The following ERAP2 variants were observed in gnomAD, a reference collection of about 807,000 sequenced individuals.
ERAP2 encodes endoplasmic reticulum aminopeptidase 2, also known as leukocyte-derived arginine aminopeptidase.
A neutral mutation model predicts 111.1 loss-of-function variants in ERAP2; 118 were observed. The observed-to-expected ratio is 1.06, with a 90% CI of 0.92 to 1.24. The LOEUF (loss-of-function observed/expected upper bound fraction) is 1.24. Among genes scored for constraint, ERAP2 ranks in the 50% most tolerant of loss-of-function variants. The probability of loss-of-function intolerance (pLI) is 0.00; values close to 1 mark genes in which losing one functional copy is unlikely to be tolerated. For missense variants in ERAP2, 1,131 were observed against 1,125.8 expected (o/e 1.00, Z -0.07); for synonymous variants, 410 against 401.2 (o/e 1.02, Z -0.26).
chr5:96,878,583 C>G (rs1468203551), intron 1 of ERAP2, among the ~76,000 whole-genome samples: 1 of 152,054 alleles, frequency 6.6e-6, no homozygotes, highest in Non-Finnish European at 1.5e-5. Context: ...TGCTTGACCC[C>G]AGGAATTTGA....
chr5:96,889,423 G>A lies in ERAP2; in HGVS notation c.970+118G>A, dbSNP rs117449150. The A allele has an allele frequency of 2.2e-4, 254 of 1,172,856 alleles. No individual in the cohort carries two copies. In the East Asian group the frequency reaches 4.9e-3, roughly 23 times the overall value. 72.7% of individuals were successfully genotyped at this position (1,172,856 alleles called of 1,614,324 possible). On this transcript the variant is annotated intron_variant, in intron 5 of 18. Coordinates refer to ENST00000437043, the MANE Select transcript of ERAP2 (RefSeq NM_022350.5). Reference sequence around the variant, plus strand: ...GCACTGAGGAATTCAGTTAGCTCAGGAAAAAATAATTTGTTCCTCAGAGAT... The same window carrying A: ...GCACTGAGGAATTCAGTTAGCTCAGAAAAAAATAATTTGTTCCTCAGAGAT...
chr5:96,886,733 G>C lies in ERAP2; in HGVS notation c.793G>C (p.Ala265Pro). 6.5e-7 allele frequency: 1 copy of C among 1,541,268 alleles called. No homozygotes were observed. The change falls in exon 4 of 19, where the codon GCC (alanine) becomes CCC (proline). Residue 265 changes from alanine to proline, a missense_variant. Coordinates refer to ENST00000437043, the MANE Select transcript of ERAP2 (RefSeq NM_022350.5). ...TTVKMSTYLV[A>P]YIVCDFHSLS... is the part of the protein sequence containing the mutation. ...TGTAAAAATGAGTACATACCTTGTA[G>C]CCTACATAGTTTGTGATTTCCACTC... is the stretch of plus-strand genomic sequence containing the variant.
intron 9 of ERAP2, among the ~76,000 whole-genome samples, chr5:96,898,645 CAGG>C (rs1321081112): frequency 1.3e-5 from 2 of 150,964 alleles, no homozygotes; most frequent in East Asian, 3.9e-4. Context: ...GAGGTTGAGG[CAGG>C]AGAATCACTT....
rs185991617 is a variant in ERAP2 at position 96,916,211 on chromosome 5, A to G, written c.2739+442A>G. ...ACTCCAGCCTGGGTGACAGAGTGAG[A>G]CTCCATCTCAAAAAAACAAAAAACA... is the stretch of plus-strand genomic sequence containing the variant. On this transcript the variant is annotated intron_variant, in intron 18 of 18. Transcript: ENST00000437043. Among the ~76,000 whole-genome samples, 5 of 149,702 alleles carry G rather than the reference A, an allele frequency of 3.3e-5. No homozygotes were observed. In the South Asian group the frequency reaches 6.4e-4, roughly 19 times the overall value.
At chr5:96,916,631 T>A (rs1277376575) in intron 18 of ERAP2, among the ~76,000 whole-genome samples, 1 of 151,494 alleles carries the variant, frequency 6.6e-6, no homozygotes, top group East Asian at 1.9e-4. Flanking sequence ...GCCCACCTAA[T>A]TTTTTTGTAT....
chr5:96,905,922 A>G (rs973525545), intron 13 of ERAP2, among the ~76,000 whole-genome samples: 2 of 148,802 alleles, frequency 1.3e-5, no homozygotes, highest in African/African-American at 5.0e-5. Flanking sequence ...TAGTTTGGAG[A>G]GATAATTTTT....
chr5:96,884,073 TC>T, intron 3 of ERAP2, 143 bp downstream of exon 3: 1 of 572,038 alleles, frequency 1.7e-6, no homozygotes, highest in African/African-American at 2.1e-5. Flanking sequence ...TATCTATCTA[TC>T]TATCTATCAT....
intron 4 of ERAP2, among the ~76,000 whole-genome samples, chr5:96,888,462 T>C (rs112145370): frequency 1.7e-4 from 26 of 152,222 alleles, no homozygotes; most frequent in African/African-American, 5.5e-4. Context: ...ACCTGCTTCA[T>C]AGAGTGGGCA....
chr5:96,908,314 T>C (rs957964147), intron 13 of ERAP2, among the ~76,000 whole-genome samples: 1 of 152,208 alleles, frequency 6.6e-6, no homozygotes, highest in African/African-American at 2.4e-5. Flanking sequence ...TCGTTTCCTC[T>C]ACAGAAGATG....
At chr5:96,906,244 C>A (rs1366865124) in intron 13 of ERAP2, among the ~76,000 whole-genome samples, 1 of 151,686 alleles carries the variant, frequency 6.6e-6, no homozygotes, top group Non-Finnish European at 1.5e-5. Context: ...TCTTCCTCTT[C>A]CTCTTCTACT....
intron 13 of ERAP2, among the ~76,000 whole-genome samples, chr5:96,905,221 G>C (rs1333156479): frequency 6.6e-6 from 1 of 152,172 alleles, no homozygotes; most frequent in Non-Finnish European, 1.5e-5. Flanking sequence ...TTCAAATAAT[G>C]TGAAGTTGAG....
At chr5:96,877,058 T>G (rs1364700288) in intron 1 of ERAP2, among the ~76,000 whole-genome samples, 3 of 152,188 alleles carry the variant, frequency 2.0e-5, no homozygotes, top group African/African-American at 7.2e-5. Flanking sequence ...CACTGCAACT[T>G]CCACCTCCCT....
chr5:96,879,521 G>A (rs1782919744), intron 1 of ERAP2, 43 bp from the exon 2 acceptor site: 1 of 573,380 alleles, frequency 1.7e-6, no homozygotes, highest in African/African-American at 1.9e-5. Flanking sequence ...TTTGTAAATT[G>A]AAATCTTTTT....
chr5:96,892,436 C>T lies in ERAP2; in HGVS notation c.1108C>T (p.His370Tyr). The change falls in exon 6 of 19, where the codon CAT becomes TAT. Residue 370 changes from histidine to tyrosine, a missense_variant. By Grantham distance (83) the His-to-Tyr change is moderately conservative (BLOSUM62 2). Around this residue, in one of 3 missense-constraint regions of ERAP2, gnomAD observed 847 missense variants for 856.5 expected, o/e 0.99. Transcript: ENST00000437043. The stretch of plus-strand genomic sequence containing the variant: ...ACTGTGGGTCACCAGAGTCATAGCC[C>T]ATGAACTGGCGCACCAGGTACTTGG... Reference protein sequence around the residue: ...DKLWVTRVIAHELAHQWFGNL... With the variant: ...DKLWVTRVIAYELAHQWFGNL... 1 of 1,613,918 alleles carries T rather than the reference C, an allele frequency of 6.2e-7. No individual in the cohort carries two copies. The highest frequency in any genetic ancestry group is 8.5e-7 in the Non-Finnish European group (1 of 1,179,888).
intron 16 of ERAP2, 27 bp downstream of exon 16, chr5:96,912,825 T>C (rs369880117): frequency 1.3e-6 from 2 of 1,567,698 alleles, no homozygotes; most frequent in Non-Finnish European, 1.7e-6. Context: ...AACTAAATTG[T>C]TATAAGTAAA....
In ERAP2 at chr5:96,894,610, G is replaced by A. The variant is rs149483935; in HGVS notation, c.1126-636G>A. Among the ~76,000 whole-genome samples the A allele has an allele frequency of 1.3e-3, 191 of 152,214 alleles. 2 individuals are homozygous for A. Among genetic ancestry groups the A allele is most frequent in the African/African-American group, 4.3e-3 (178 of 41,554 alleles). On this transcript the variant is annotated intron_variant, in intron 6 of 18. Coordinates refer to ENST00000437043, the MANE Select transcript of ERAP2 (RefSeq NM_022350.5). ...AATACAGATCAAATATAGGTAAAGG[G>A]TAAATATGTCAATTATATTTATGCA...
intron 1 of ERAP2, among the ~76,000 whole-genome samples, chr5:96,876,752 T>A (rs966041979): frequency 6.6e-6 from 1 of 152,150 alleles, no homozygotes; most frequent in African/African-American, 2.4e-5. Context: ...AGAGATCTTT[T>A]TGTCTTTTCT....
chr5:96,910,633 C>T (rs1196036014), intron 15 of ERAP2, among the ~76,000 whole-genome samples: 1 of 152,030 alleles, frequency 6.6e-6, no homozygotes, highest in African/African-American at 2.4e-5. Context: ...CTGCAGTAAC[C>T]TACCTACAGT....
At chr5:96,888,827 C>T (rs760027068) in intron 4 of ERAP2, among the ~76,000 whole-genome samples, 10 of 152,238 alleles carry the variant, frequency 6.6e-5, no homozygotes, top group Non-Finnish European at 1.2e-4. Flanking sequence ...TGTTTGTGGT[C>T]ATCATTTTGG....
Sources: allele counts gnomAD v4.1 joint callset (sites outside exome capture counted in the v4.1 genomes callset), GRCh38; gene constraint gnomAD v4.1.1; regional missense constraint gnomAD v4.1.1; transcripts MANE v1.5; gene names NCBI Gene and HGNC (gene_info 2026-07-23, HGNC 2026-07-21).